Variants in CFAP299 observed in about 807,000 individuals in gnomAD.
The protein encoded by CFAP299 is cilia and flagella associated protein 299, also known as cilia- and flagella-associated protein 299.
In CFAP299, 21 loss-of-function variants were observed where a neutral mutation model predicts 27.0. That is an observed-to-expected ratio of 0.78 (90% CI 0.55 to 1.12). CFAP299 has a LOEUF of 1.12. Ranked by LOEUF, CFAP299 falls within the 50% of genes most tolerant of loss-of-function variation. The pLI is 0.00. For synonymous variants in CFAP299, 104 were observed against 98.1 expected, an observed-to-expected ratio of 1.06 and a Z score of -0.36; for missense variants, 310 against 276.6, an observed-to-expected ratio of 1.12 and a Z score of -0.86.
At chr4:80,727,767 A>G (rs1385044843) in intron 3 of CFAP299, among the ~76,000 whole-genome samples, 1 of 152,016 alleles carries the variant, frequency 6.6e-6, no homozygotes, top group Admixed American at 6.6e-5. Context: ...TTGCTCAAAT[A>G]TATTCTGTCA....
chr4:80,636,763 T>G (rs1317365251), intron 3 of CFAP299, among the ~76,000 whole-genome samples: 1 of 152,210 alleles, frequency 6.6e-6, no homozygotes, highest in Non-Finnish European at 1.5e-5. Flanking sequence ...TACTCATTCA[T>G]TTACCTATTT....
Position 80,335,822 on chromosome 4 carries a change from C to A in CFAP299, c.54C>A (p.Asn18Lys). 3 of 1,613,852 alleles carry A rather than the reference C, an allele frequency of 1.9e-6. No homozygotes were observed. Among genetic ancestry groups the A allele is most frequent in the Non-Finnish European group, 2.5e-6 (3 of 1,179,722 alleles). ...TGGACAATATTGTCACTCAATTCAA[C>A]GCCTATGAAGATTTCCTGGACTCGC... ...KALDNIVTQFNAYEDFLDSQI... is the reference protein window; with the variant it reads ...KALDNIVTQFKAYEDFLDSQI... The change falls in exon 1 of 6, where the codon AAC (asparagine) becomes AAA (lysine). Residue 18 changes from asparagine (N) to lysine (K), a missense_variant. By Grantham distance (94) the Asn-to-Lys change is moderately conservative. Transcript: ENST00000358105.
rs368985678 is a variant in CFAP299, at chr4:80,528,155, T to C, written c.243-54938T>C. Among the ~76,000 whole-genome samples, 768 of 137,510 alleles carry C rather than the reference T, an allele frequency of 5.6e-3. 5 individuals are homozygous for C. The highest frequency in any genetic ancestry group is 0.016 in the Middle Eastern group (4 of 252). 90.2% of individuals were successfully genotyped at this position (137,510 alleles called of 152,430 possible). A position where few individuals can be genotyped will look rare whatever the true frequency, so the allele number is the denominator to read the frequency against. ...GATCAGAAGATACTAGTTAGATCAT[T>C]TTCATCTAACAAACACTGAAGGCTT... On this transcript the variant is annotated intron_variant, in intron 2 of 5. Transcript: ENST00000358105.
At chr4:80,529,940 A>G (rs1733385463) in intron 2 of CFAP299, among the ~76,000 whole-genome samples, 1 of 152,218 alleles carries the variant, frequency 6.6e-6, no homozygotes, top group Admixed American at 6.5e-5. Context: ...CACAATTTTG[A>G]AATATTAATC....
intron 2 of CFAP299, among the ~76,000 whole-genome samples, chr4:80,511,491 CTA>C (rs1732300839): frequency 6.6e-6 from 1 of 152,208 alleles, no homozygotes; most frequent in South Asian, 2.1e-4. Context: ...TTTAACATAA[CTA>C]TGACATATTG....
chr4:80,704,832 G>A (rs1721727638), intron 3 of CFAP299, among the ~76,000 whole-genome samples: 1 of 151,794 alleles, frequency 6.6e-6, no homozygotes, highest in African/African-American at 2.4e-5. Flanking sequence ...TTTCATAAAT[G>A]TTGATATATA....
intron 3 of CFAP299, among the ~76,000 whole-genome samples, chr4:80,730,268 G>GTGTGTGTGTGTGTA (rs1723436931): frequency 6.7e-6 from 1 of 149,660 alleles, no homozygotes; most frequent in Non-Finnish European, 1.5e-5. Flanking sequence ...GTGTGTGTGT[G>GTGTGTGTGTGTGTA]TGTGTGTGTG....
intron 3 of CFAP299, among the ~76,000 whole-genome samples, chr4:80,616,901 A>G (rs1378923857): frequency 6.6e-6 from 1 of 152,188 alleles, no homozygotes; most frequent in East Asian, 1.9e-4. Context: ...AATGTTTAAT[A>G]AATTAACAAT....
At chr4:80,838,805 A>G (rs1730707237) in intron 3 of CFAP299, among the ~76,000 whole-genome samples, 1 of 152,138 alleles carries the variant, frequency 6.6e-6, no homozygotes, top group Non-Finnish European at 1.5e-5. Flanking sequence ...GAAGAAAGTC[A>G]ATGTATTTTT....
intron 4 of CFAP299, among the ~76,000 whole-genome samples, chr4:80,882,073 T>A (rs1418285845): frequency 2.0e-5 from 3 of 151,548 alleles, no homozygotes; most frequent in African/African-American, 4.9e-5. Flanking sequence ...AAAAAAAGAA[T>A]GAAAAAGACT....
chr4:80,507,506 G>C (rs1401857364), intron 2 of CFAP299, among the ~76,000 whole-genome samples: 1 of 152,038 alleles, frequency 6.6e-6, no homozygotes, highest in Non-Finnish European at 1.5e-5. Flanking sequence ...ACTAGGTTTA[G>C]AAGCATTGCT....
chr4:80,660,010 GAC>G (rs1740757351), intron 3 of CFAP299, among the ~76,000 whole-genome samples: 1 of 152,074 alleles, frequency 6.6e-6, no homozygotes, highest in Admixed American at 6.6e-5. Flanking sequence ...TAATTAGACT[GAC>G]ACTATCTGAA....
intron 2 of CFAP299, among the ~76,000 whole-genome samples, chr4:80,385,308 A>G (rs1724909873): frequency 6.6e-6 from 1 of 152,194 alleles, no homozygotes; most frequent in Non-Finnish European, 1.5e-5. Context: ...CTTCGTCCAC[A>G]TACAACTACT....
At chr4:80,793,860 G>C (rs1182041166) in intron 3 of CFAP299, among the ~76,000 whole-genome samples, 1 of 152,136 alleles carries the variant, frequency 6.6e-6, no homozygotes, top group Non-Finnish European at 1.5e-5. Context: ...GTTGTAGCTG[G>C]TATTAATGAC....
At chr4:80,378,317 G>A (rs1724524636) in intron 2 of CFAP299, among the ~76,000 whole-genome samples, 1 of 151,812 alleles carries the variant, frequency 6.6e-6, no homozygotes, top group African/African-American at 2.4e-5. Flanking sequence ...AGTTCTACTG[G>A]CTATTTTTTG....
chr4:80,442,590 C>G (rs1252462890), intron 2 of CFAP299, among the ~76,000 whole-genome samples: 1 of 151,466 alleles, frequency 6.6e-6, no homozygotes, highest in African/African-American at 2.4e-5. Context: ...ACTAAATGCC[C>G]ACATGAGAAA....
intron 2 of CFAP299, among the ~76,000 whole-genome samples, chr4:80,423,640 G>C (rs1727395206): frequency 1.3e-5 from 2 of 152,176 alleles, no homozygotes; most frequent in Non-Finnish European, 2.9e-5. Flanking sequence ...TACTGGAGGG[G>C]TTGTCTCAGC....
intron 3 of CFAP299, among the ~76,000 whole-genome samples, chr4:80,585,056 G>T (rs1387415111): frequency 6.6e-6 from 1 of 152,036 alleles, no homozygotes; most frequent in African/African-American, 2.4e-5. Flanking sequence ...TGTGCCTTTA[G>T]TATAGGGAAT....
intron 2 of CFAP299, among the ~76,000 whole-genome samples, chr4:80,505,064 ATATC>A (rs1731953581): frequency 6.7e-6 from 1 of 149,750 alleles, no homozygotes; most frequent in African/African-American, 2.4e-5. Flanking sequence ...ATATTGGTAT[ATATC>A]TATATATGAC....
Sources: allele counts gnomAD v4.1 joint callset (sites outside exome capture counted in the v4.1 genomes callset), GRCh38; gene constraint gnomAD v4.1.1; transcripts MANE v1.5; gene names NCBI Gene and HGNC (gene_info 2026-07-23, HGNC 2026-07-21).